GUF1: variants seen among roughly 807,000 people sequenced by gnomAD.
GUF1 encodes the protein translation factor GUF1, mitochondrial.
GUF1 carries 78 observed loss-of-function variants against 82.4 expected under a neutral mutation model. The ratio of observed to expected loss-of-function variants is 0.95; its 90% CI spans 0.79 to 1.14. The LOEUF (loss-of-function observed/expected upper bound fraction) is 1.14. Among genes scored for constraint, GUF1 ranks in the 50% most tolerant of loss-of-function variants. The pLI is 0.00. For missense variants in GUF1, 814 were observed against 798.2 expected, an observed-to-expected ratio of 1.02 and a Z score of -0.24; for synonymous variants, 279 against 282.3, an observed-to-expected ratio of 0.99 and a Z score of 0.12.
chr4:44,697,319 C>T, intron 15 of GUF1, 89 bp from the exon 16 acceptor site: 2 of 691,782 alleles, frequency 2.9e-6, no homozygotes, highest in East Asian at 2.9e-5. Flanking sequence ...TTAAAATTTT[C>T]TAGTAAAGGG....
chr4:44,687,557 G>A lies in GUF1; in HGVS notation c.939-450G>A, dbSNP rs888609454. Among the ~76,000 whole-genome samples, 5 of 150,922 alleles carry A rather than the reference G, an allele frequency of 3.3e-5. No homozygotes were observed. In the East Asian group the frequency reaches 9.7e-4, roughly 29 times the overall value. ...CTGAACTCATAGGATTTGCTCTTTT[G>A]CTACAGGAGGAATATCAAGTGTCCA... On this transcript the variant is annotated intron_variant, in intron 8 of 16. Coordinates refer to ENST00000281543, the MANE Select transcript of GUF1 (RefSeq NM_021927.3).
Position 44,695,533 on chromosome 4 carries a change from C to T in GUF1, c.1716-82C>T, listed in dbSNP as rs140276584. The T allele has an allele frequency of 6.6e-5, 80 of 1,205,320 alleles. No individual in the cohort carries two copies. The East Asian group carries it at 1.9e-3, about 29-fold the overall frequency. 74.7% of individuals were successfully genotyped at this position (1,205,320 alleles called of 1,614,324 possible). A position where few individuals can be genotyped will look rare whatever the true frequency, so the allele number is the denominator to read the frequency against. The stretch of plus-strand genomic sequence containing the variant: ...GAACCTCCTTAAGAGATCACCTTTA[C>T]ACTGATTATGCAACTGGCCTAGAAA... On this transcript the variant is annotated intron_variant, in intron 14 of 16. Coordinates refer to ENST00000281543, the MANE Select transcript of GUF1 (RefSeq NM_021927.3).
At chr4:44,696,772 A>G (rs1225385624) in intron 15 of GUF1, among the ~76,000 whole-genome samples, 1 of 152,202 alleles carries the variant, frequency 6.6e-6, no homozygotes, top group Non-Finnish European at 1.5e-5. Flanking sequence ...TAACTAGGGA[A>G]CATCCTGGAA....
intron 1 of GUF1, among the ~76,000 whole-genome samples, chr4:44,679,365 C>T (rs765265114): frequency 1.3e-5 from 2 of 152,062 alleles, no homozygotes; most frequent in South Asian, 4.1e-4. Context: ...GTAATTTTGA[C>T]TCTGGTGGGA....
chr4:44,692,661 C>T (rs1055218789), intron 13 of GUF1, among the ~76,000 whole-genome samples: 4 of 151,900 alleles, frequency 2.6e-5, no homozygotes, highest in African/African-American at 9.7e-5. Context: ...ATCATCTTGT[C>T]AGTGAAGAGA....
chr4:44,698,462 G>C (rs1308353110), intron 16 of GUF1, 82 bp from the exon 17 acceptor site: 2 of 1,063,112 alleles, frequency 1.9e-6, no homozygotes, highest in Non-Finnish European at 2.8e-6. Flanking sequence ...TGGTTGTTAA[G>C]GTTGTACTGA....
Position 44,678,529 on chromosome 4 carries a change from C to T in GUF1, c.-94C>T, listed in dbSNP as rs1362604957. 1 of 1,032,094 alleles carries T rather than the reference C, an allele frequency of 9.7e-7. No individual in the cohort carries two copies. The highest frequency in any genetic ancestry group is 1.3e-6 in the Non-Finnish European group (1 of 759,918). 63.9% of individuals were successfully genotyped at this position (1,032,094 alleles called of 1,614,324 possible). A position where few individuals can be genotyped will look rare whatever the true frequency, so the allele number is the denominator to read the frequency against. The stretch of plus-strand genomic sequence containing the variant: ...TTCACAGGATCTGTTTGAGTCCTGT[C>T]CACCGGATCCTACGGGGGGTACCTT... On this transcript the variant is annotated 5_prime_UTR_variant, in exon 1 of 17. Transcript: ENST00000281543.
intron 6 of GUF1, among the ~76,000 whole-genome samples, chr4:44,683,694 G>T (rs368261691): frequency 6.6e-6 from 1 of 151,966 alleles, no homozygotes; most frequent in African/African-American, 2.4e-5. Context: ...CTAATTTCAG[G>T]GCTTTTGTAT....
chr4:44,698,520 C>T, intron 16 of GUF1, 24 bp from the exon 17 acceptor site: 1 of 1,562,890 alleles, frequency 6.4e-7, no homozygotes, highest in Non-Finnish European at 8.7e-7. Flanking sequence ...ACTTAGACTT[C>T]CAATGTTTTA....
intron 14 of GUF1, among the ~76,000 whole-genome samples, chr4:44,695,301 C>CA (rs1386932384): frequency 1.3e-5 from 2 of 151,856 alleles, no homozygotes; most frequent in Admixed American, 6.6e-5. Flanking sequence ...CAAAAAAATG[C>CA]AAAAAAGTGA....
At chr4:44,692,438 A>G (rs1340651009) in intron 13 of GUF1, among the ~76,000 whole-genome samples, 1 of 151,742 alleles carries the variant, frequency 6.6e-6, no homozygotes, top group Non-Finnish European at 1.5e-5. Flanking sequence ...GGGGCATATA[A>G]CTCTAGATAC....
At position 44,698,895 on chromosome 4, in the gene GUF1, G is replaced by A. The variant is rs78933864; in HGVS notation, c.*214G>A. On this transcript the variant is annotated 3_prime_UTR_variant, in exon 17 of 17. Coordinates refer to ENST00000281543, the MANE Select transcript of GUF1 (RefSeq NM_021927.3). ...TCTGTTCCAACCACTCACTAGTAAGGTGACCGTGGCCAGATTAACCTTTGT... is the reference window on the plus strand; with the variant it reads ...TCTGTTCCAACCACTCACTAGTAAGATGACCGTGGCCAGATTAACCTTTGT... The A allele has an allele frequency of 1.5e-4, 68 of 457,248 alleles. No individual in the cohort carries two copies. In the East Asian group the frequency reaches 2.6e-3, roughly 18 times the overall value. The allele number at this position is 457,248 out of a possible 1,614,324, so 28.3% of individuals were successfully genotyped here.
At position 44,695,608 on chromosome 4, in the gene GUF1, G is replaced by A. The variant is rs1014184394; in HGVS notation, c.1716-7G>A. 1.2e-6 allele frequency: 2 copies of A among 1,601,614 alleles called. No homozygotes were observed. The highest frequency in any genetic ancestry group is 2.7e-5 in the African/African-American group (2 of 74,240). On this transcript the variant is annotated splice_region_variant and splice_polypyrimidine_tract_variant and intron_variant, in intron 14 of 16. Coordinates refer to ENST00000281543, the MANE Select transcript of GUF1 (RefSeq NM_021927.3). ...GATATATAAACAGTTGTATTTTTCT[G>A]TCTCAGAGACAAAGCTCATTCAATT...
chr4:44,689,288 A>ATG lies in GUF1; in HGVS notation c.1083_1084dup (p.Tyr362CysfsTer4), dbSNP rs764480301. ...ATTAGAAATCATTGTATCCCCAGGA[A>ATG]TGTATCCTCTAGACCAATCTGAATA... On this transcript the variant is annotated frameshift_variant, in exon 10 of 17. Coordinates refer to ENST00000281543, the MANE Select transcript of GUF1 (RefSeq NM_021927.3). LOFTEE classifies it high-confidence loss of function. 5 of 1,589,194 alleles carry ATG rather than the reference A, an allele frequency of 3.1e-6. No individual in the cohort carries two copies. Among genetic ancestry groups the ATG allele is most frequent in the Non-Finnish European group, 4.3e-6 (5 of 1,166,970 alleles).
intron 16 of GUF1, among the ~76,000 whole-genome samples, chr4:44,697,758 A>G (rs1473091791): frequency 2.0e-5 from 3 of 152,226 alleles, no homozygotes; most frequent in Non-Finnish European, 4.4e-5. Flanking sequence ...TCTAACATAT[A>G]ATGAAAGATT....
chr4:44,685,721 C>CA (rs1433415848), intron 6 of GUF1, among the ~76,000 whole-genome samples: 1 of 152,030 alleles, frequency 6.6e-6, no homozygotes, highest in Admixed American at 6.6e-5. Flanking sequence ...ATTCCTCTTT[C>CA]AATACCATAA....
intron 14 of GUF1, among the ~76,000 whole-genome samples, chr4:44,694,803 T>TG (rs1366425109): frequency 1.3e-5 from 2 of 149,364 alleles, no homozygotes; most frequent in Non-Finnish European, 3.0e-5. Flanking sequence ...ACAAGTTTTT[T>TG]TGTTTTGTTT....
chr4:44,686,363 T>C (rs1168492371), intron 7 of GUF1, 147 bp from the exon 8 acceptor site: 1 of 497,396 alleles, frequency 2.0e-6, no homozygotes, highest in Non-Finnish European at 3.5e-6. Context: ...TTAAATCTAA[T>C]ATATTTTATA....
intron 14 of GUF1, 94 bp downstream of exon 14, chr4:44,694,607 T>G: frequency 1.3e-6 from 1 of 748,174 alleles, no homozygotes; most frequent in South Asian, 1.7e-5. Context: ...AAAAAACTTC[T>G]AAGGTAATTA....
Sources: gnomAD v4.1 joint callset for allele counts (sites outside exome capture counted in the v4.1 genomes callset) on GRCh38, gnomAD v4.1.1 for gene constraint, MANE v1.5 for transcripts, NCBI Gene and HGNC (gene_info 2026-07-23, HGNC 2026-07-21) for gene names.